FBXO34: variants seen among roughly 807,000 people sequenced by gnomAD.
FBXO34 encodes F-box only protein 34.
In FBXO34, 12 loss-of-function variants were observed where a neutral mutation model predicts 24.5. That is an observed-to-expected ratio of 0.49 (90% CI 0.31 to 0.79). The LOEUF (loss-of-function observed/expected upper bound fraction) is 0.79, where lower values mean the gene tolerates loss of function less well. Ranked by LOEUF, FBXO34 falls within the 30% of genes least tolerant of loss-of-function variation. The pLI, the probability that FBXO34 is intolerant of heterozygous loss-of-function variation, is 0.04. For synonymous variants in FBXO34, 320 were observed against 311.9 expected (o/e 1.03, Z -0.27); for missense variants, 823 against 857.7 (o/e 0.96, Z 0.51).
At position 55,308,038 on chromosome 14, in the gene FBXO34, G is replaced by T. The variant is rs917484713; in HGVS notation, c.-11+36501G>T. Among the ~76,000 whole-genome samples the T allele has an allele frequency of 2.6e-5, 4 of 152,164 alleles. No homozygotes were observed. The South Asian group carries it at 8.3e-4, about 31-fold the overall frequency. ...CGTGGTAATAAGTCTCACGAGATCC[G>T]ATGGTTTTATAAATGGGATTCTCCT... On this transcript the variant is annotated intron_variant, in intron 1 of 1. Coordinates refer to ENST00000313833, the MANE Select transcript of FBXO34 (RefSeq NM_017943.4).
chr14:55,394,926 C>T, the FBXO34 span: 1 of 380,498 alleles, frequency 2.6e-6, no homozygotes, highest in African/African-American at 2.1e-5. Flanking sequence ...AAAAAGTAAA[C>T]AACCAGAGAA....
chr14:55,419,592 G>A, the FBXO34 span, among the ~76,000 whole-genome samples: 1 of 152,216 alleles, frequency 6.6e-6, no homozygotes, highest in South Asian at 2.1e-4. Context: ...CATGACAGTA[G>A]AACAGCAGGG....
downstream of FBXO34, among the ~76,000 whole-genome samples, chr14:55,372,978 A>G (rs1044111476): frequency 4.6e-5 from 7 of 151,988 alleles, no homozygotes; most frequent in Admixed American, 6.6e-5. Context: ...CCAATGATCA[A>G]CCTACATTTC....
chr14:55,434,329 G>A, the FBXO34 span, among the ~76,000 whole-genome samples: 5 of 152,160 alleles, frequency 3.3e-5, no homozygotes, highest in African/African-American at 1.2e-4. Context: ...AGCCCTGCAG[G>A]TGAGGCTGAC....
chr14:55,300,590 G>A (rs761726157), intron 1 of FBXO34, among the ~76,000 whole-genome samples: 8 of 152,138 alleles, frequency 5.3e-5, no homozygotes, highest in Non-Finnish European at 1.5e-5. Flanking sequence ...GCGAGACTCC[G>A]TCTCAAAAAA....
chr14:55,300,493 G>T (rs1042932905), intron 1 of FBXO34, among the ~76,000 whole-genome samples: 8 of 152,240 alleles, frequency 5.3e-5, no homozygotes, highest in Non-Finnish European at 1.0e-4. Flanking sequence ...TACTCGGGAG[G>T]CTGAGGCAGA....
At chr14:55,361,741 T>G (rs1416635681) in exon 4 of FBXO34, 1 of 152,274 alleles carries the variant, frequency 6.6e-6, no homozygotes, top group Non-Finnish European at 1.5e-5. Flanking sequence ...AGAGACAGCT[T>G]CTTACACCTC....
the FBXO34 span, among the ~76,000 whole-genome samples, chr14:55,389,829 C>A: frequency 9.2e-5 from 14 of 152,136 alleles, no homozygotes; most frequent in East Asian, 2.5e-3. Context: ...ATTCTTGGGG[C>A]AAATGGGAAG....
chr14:55,422,753 C>T, the FBXO34 span, among the ~76,000 whole-genome samples: 9 of 151,854 alleles, frequency 5.9e-5, no homozygotes, highest in Non-Finnish European at 8.8e-5. Context: ...CTCAGGAGGC[C>T]GAGGCAGGAG....
chr14:55,363,023 CTTT>C (rs398057110), downstream of FBXO34, among the ~76,000 whole-genome samples: 5 of 132,332 alleles, frequency 3.8e-5, no homozygotes, highest in Non-Finnish European at 6.3e-5. Flanking sequence ...TTCTCTCTCT[CTTT>C]TTTTTTTTTT....
downstream of FBXO34, among the ~76,000 whole-genome samples, chr14:55,372,161 C>T (rs1884833590): frequency 6.6e-6 from 1 of 152,146 alleles, no homozygotes; most frequent in Non-Finnish European, 1.5e-5. Flanking sequence ...AAAACTTTAG[C>T]TGGCTGGGAC....
intron 1 of FBXO34, among the ~76,000 whole-genome samples, chr14:55,311,585 A>G (rs1190307524): frequency 2.0e-5 from 3 of 152,200 alleles, no homozygotes; most frequent in Non-Finnish European, 4.4e-5. Context: ...CAAGTTAGTT[A>G]CTTCCAAGAT....
the FBXO34 span, among the ~76,000 whole-genome samples, chr14:55,384,428 C>A: frequency 6.6e-6 from 1 of 152,216 alleles, no homozygotes; most frequent in Admixed American, 6.5e-5. Context: ...AATTTACAGA[C>A]CTTATTCACC....
chr14:55,382,070 C>T, the FBXO34 span: 7 of 1,614,008 alleles, frequency 4.3e-6, no homozygotes, highest in Non-Finnish European at 3.4e-6. Flanking sequence ...CTGGTGTCTC[C>T]GTTGTGATCG....
chr14:55,388,940 C>T, the FBXO34 span, among the ~76,000 whole-genome samples: 3 of 151,964 alleles, frequency 2.0e-5, no homozygotes, highest in Non-Finnish European at 2.9e-5. Context: ...AGAGTAAGCA[C>T]GTTGAAGCTT....
At chr14:55,316,407 T>G (rs936431267) in intron 1 of FBXO34, among the ~76,000 whole-genome samples, 2 of 149,554 alleles carry the variant, frequency 1.3e-5, no homozygotes, top group African/African-American at 4.9e-5. Flanking sequence ...GGCAAAATGG[T>G]GAAACCCTGT....
chr14:55,427,322 AAAAT>A, the FBXO34 span, among the ~76,000 whole-genome samples: 95 of 152,196 alleles, frequency 6.2e-4, no homozygotes, highest in Non-Finnish European at 1.2e-3. Context: ...AATCAAGAGA[AAAAT>A]AAACATGTCA....
At chr14:55,333,196 G>A (rs1012375967) in intron 1 of FBXO34, among the ~76,000 whole-genome samples, 5 of 152,072 alleles carry the variant, frequency 3.3e-5, no homozygotes, top group South Asian at 4.2e-4. Context: ...TTCTTTATTT[G>A]TACTATTAGT....
the FBXO34 span, among the ~76,000 whole-genome samples, chr14:55,400,508 A>G: frequency 6.6e-6 from 1 of 152,220 alleles, no homozygotes; most frequent in Non-Finnish European, 1.5e-5. Flanking sequence ...GGTGAACACC[A>G]TTCTTCCTTC....
Sources: gnomAD v4.1 joint callset for allele counts (sites outside exome capture counted in the v4.1 genomes callset) on GRCh38, gnomAD v4.1.1 for gene constraint, MANE v1.5 for transcripts, NCBI Gene and HGNC (gene_info 2026-07-23, HGNC 2026-07-21) for gene names.